Variants in GPM6B observed in about 807,000 individuals in gnomAD.
The protein encoded by GPM6B is glycoprotein M6B.
Under a neutral mutation model 27.2 loss-of-function variants are expected in GPM6B, and 4 were observed. That is an observed-to-expected ratio of 0.15 (90% confidence interval 0.07 to 0.34). The LOEUF is 0.34. Ranked by LOEUF, GPM6B falls within the 10% of genes least tolerant of loss-of-function variation. The probability of loss-of-function intolerance (pLI) is 1.00; values close to 1 mark genes in which losing one functional copy is unlikely to be tolerated. For missense variants in GPM6B, 183 were observed against 261.9 expected, an observed-to-expected ratio of 0.70 and a Z score of 2.08; for synonymous variants, 124 against 103.1, an observed-to-expected ratio of 1.20 and a Z score of -1.23.
At chrX:13,810,153 T>C (rs1394922066) in intron 1 of GPM6B, among the ~76,000 whole-genome samples, 2 of 110,598 alleles carry the variant, frequency 1.8e-5, no homozygotes, top group African/African-American at 6.6e-5. Context: ...AAAAAACAGA[T>C]TTAGATTTTT....
chrX:13,879,092 A>C (rs1361230441), intron 1 of GPM6B, among the ~76,000 whole-genome samples: 1 of 112,360 alleles, frequency 8.9e-6, no homozygotes, highest in Non-Finnish European at 1.9e-5. Flanking sequence ...TAGAGCGGCC[A>C]CAGGAAACAG....
At chrX:13,781,367 G>C (rs1289700751) in intron 4 of GPM6B, among the ~76,000 whole-genome samples, 1 of 112,098 alleles carries the variant, frequency 8.9e-6, no homozygotes, top group Non-Finnish European at 1.9e-5. Context: ...TGGGAACTGC[G>C]ACAGGCAAAT....
chrX:13,866,674 A>T (rs1418703012), intron 1 of GPM6B, among the ~76,000 whole-genome samples: 4 of 111,509 alleles, frequency 3.6e-5, no homozygotes, highest in Non-Finnish European at 5.7e-5. Flanking sequence ...ATCTATTTTT[A>T]AAAAAACAAT....
At chrX:13,837,716 G>A (rs1236076868) in intron 1 of GPM6B, among the ~76,000 whole-genome samples, 1 of 85,117 alleles carries the variant, frequency 1.2e-5, no homozygotes, top group East Asian at 4.1e-4. Flanking sequence ...TTGGTGGGGG[G>A]GGGGGGGGGG....
intron 1 of GPM6B, among the ~76,000 whole-genome samples, chrX:13,813,240 A>T (rs1015097658): frequency 4.0e-4 from 45 of 111,178 alleles, no homozygotes; most frequent in African/African-American, 1.4e-3. Flanking sequence ...TAAACGAAAA[A>T]TGAGAGCCAA....
At chrX:13,831,177 TACACACACACACACACACAC>T (rs536337642) in intron 1 of GPM6B, among the ~76,000 whole-genome samples, 45 of 81,622 alleles carry the variant, frequency 5.5e-4, no homozygotes, top group Admixed American at 8.5e-4. Flanking sequence ...AAGAGCTCAG[TACACACACACACACACACAC>T]ACACACACAC....
chrX:13,831,447 G>C (rs2049438942), intron 1 of GPM6B, among the ~76,000 whole-genome samples: 1 of 110,941 alleles, frequency 9.0e-6, no homozygotes, highest in Admixed American at 9.6e-5. Flanking sequence ...GATACGCTAG[G>C]TCTTAAGTGA....
intron 2 of GPM6B, among the ~76,000 whole-genome samples, chrX:13,807,117 C>T (rs1368077649): frequency 2.7e-5 from 3 of 112,345 alleles, no homozygotes; most frequent in East Asian, 2.8e-4. Context: ...TGATGGGAAT[C>T]GGGTACATGG....
At chrX:13,823,519 G>A (rs1424334160) in intron 1 of GPM6B, among the ~76,000 whole-genome samples, 11 of 82,176 alleles carry the variant, frequency 1.3e-4, no homozygotes, top group African/African-American at 4.7e-4. Context: ...CACTGAACCT[G>A]GTTTTTTTTT....
chrX:13,926,413 A>AAAAC, intron 1 of GPM6B, among the ~76,000 whole-genome samples: 1 of 19,286 alleles, frequency 5.2e-5, no homozygotes, highest in African/African-American at 2.3e-4. Flanking sequence ...CCATCTCAAA[A>AAAAC]AAACAAACAA....
In GPM6B at chrX:13,808,103, GACCAACAGAGC is replaced by G. The variant is rs2049057100; in HGVS notation, c.62-345_62-335del. ...TATTTTTCTTTCTGTTTCCTTTTCA[GACCAACAGAGC>G]ACTAACAGAGCACTATAATTATTGC... On this transcript the variant is annotated intron_variant, in intron 1 of 7. Transcript: ENST00000316715. 3.6e-5 allele frequency among the ~76,000 whole-genome samples: 4 copies of G among 110,308 alleles called. No homozygotes were observed. In the South Asian group the frequency reaches 1.5e-3, roughly 42 times the overall value.
At chrX:13,814,462 TAAA>T (rs1371509116) in intron 1 of GPM6B, among the ~76,000 whole-genome samples, 1 of 112,335 alleles carries the variant, frequency 8.9e-6, no homozygotes, top group Non-Finnish European at 1.9e-5. Flanking sequence ...AAGAAAAACA[TAAA>T]AAACGGATCC....
At chrX:13,876,096 T>A (rs1381301440) in intron 1 of GPM6B, among the ~76,000 whole-genome samples, 2 of 112,429 alleles carry the variant, frequency 1.8e-5, no homozygotes, top group Non-Finnish European at 3.8e-5. Context: ...CATGCTGAGT[T>A]ACAACGATGT....
chrX:13,774,480 T>C (rs1319319474), intron 7 of GPM6B: 1 of 1,200,338 alleles, frequency 8.3e-7, no homozygotes, highest in South Asian at 1.8e-5. Context: ...GACTCTGCTT[T>C]AGTCTGGAGT....
In GPM6B at chrX:13,816,920, T is replaced by C. The variant is rs757683976; in HGVS notation, c.-16A>G. 8.4e-7 allele frequency: 1 copy of C among 1,195,915 alleles called. No individual in the cohort carries two copies. On this transcript the variant is annotated 5_prime_UTR_variant, in exon 1 of 8. Transcript: ENST00000316715. ...CTGGCTTCATACCATCCACCAAAAA[T>C]GCTTTTCCCCCTGTTCCCCCCAACA...
At chrX:13,859,249 CCCAACCTCTG>C (rs1983312208) in intron 1 of GPM6B, among the ~76,000 whole-genome samples, 1 of 111,973 alleles carries the variant, frequency 8.9e-6, no homozygotes, top group South Asian at 3.7e-4. Flanking sequence ...GATCTCCTTC[CCCAACCTCTG>C]GCAACCACTG....
intron 1 of GPM6B, among the ~76,000 whole-genome samples, chrX:13,840,006 C>T (rs764723216): frequency 1.6e-3 from 173 of 111,291 alleles, no homozygotes; most frequent in Non-Finnish European, 2.8e-3. Context: ...CAGAATAGAA[C>T]GCCCTGAAAT....
At chrX:13,815,320 G>A (rs1032301027) in intron 1 of GPM6B, among the ~76,000 whole-genome samples, 3 of 111,901 alleles carry the variant, frequency 2.7e-5, no homozygotes, top group Non-Finnish European at 5.7e-5. Flanking sequence ...TTGGGACAAT[G>A]CTATTACATT....
chrX:13,813,235 G>A (rs1173414053), intron 1 of GPM6B, among the ~76,000 whole-genome samples: 2 of 106,746 alleles, frequency 1.9e-5, no homozygotes, highest in African/African-American at 3.4e-5. Flanking sequence ...CTTCCTAAAC[G>A]AAAAATGAGA....
Sources: gnomAD v4.1 joint callset for allele counts (sites outside exome capture counted in the v4.1 genomes callset) on GRCh38, gnomAD v4.1.1 for gene constraint, MANE v1.5 for transcripts, NCBI Gene and HGNC (gene_info 2026-07-23, HGNC 2026-07-21) for gene names.